Variants in NEMP2 observed in about 807,000 individuals in gnomAD.
NEMP2 encodes the protein UPF0571 transmembrane protein.
NEMP2 carries 53 observed loss-of-function variants against 54.2 expected under a neutral mutation model. That is an observed-to-expected ratio of 0.98 (90% CI 0.78 to 1.23). The LOEUF (loss-of-function observed/expected upper bound fraction) is 1.23. NEMP2 is among the 50% of genes most tolerant of loss of function. NEMP2 has a pLI of 0.00. For missense variants in NEMP2, 455 were observed against 511.3 expected, an observed-to-expected ratio of 0.89 and a Z score of 1.06; for synonymous variants, 197 against 190.3, an observed-to-expected ratio of 1.04 and a Z score of -0.29.
the NEMP2 span, among the ~76,000 whole-genome samples, chr2:190,481,830 ATGC>A: frequency 5.3e-5 from 8 of 152,200 alleles, no homozygotes; most frequent in Non-Finnish European, 1.2e-4. Flanking sequence ...CAGAAGATCC[ATGC>A]TGCTGCTGCT....
the NEMP2 span, among the ~76,000 whole-genome samples, chr2:190,645,887 T>C: frequency 2.0e-5 from 3 of 151,984 alleles, no homozygotes; most frequent in East Asian, 5.8e-4. Context: ...GACAAAACAT[T>C]TTCCTTTGTC....
At chr2:190,460,286 G>A in the NEMP2 span, among the ~76,000 whole-genome samples, 3 of 152,144 alleles carry the variant, frequency 2.0e-5, no homozygotes, top group Admixed American at 1.3e-4. Context: ...AAATGTTGCA[G>A]AATATAGACA....
Position 190,509,115 on chromosome 2 carries a change from T to G in NEMP2, c.*74A>C, listed in dbSNP as rs1690267951. 2 of 1,530,810 alleles carry G rather than the reference T, an allele frequency of 1.3e-6. No individual in the cohort carries two copies. Among genetic ancestry groups the G allele is most frequent in the South Asian group, 2.4e-5 (2 of 81,754 alleles). The allele number at this position is 1,530,810 out of a possible 1,614,324, so 94.8% of individuals were successfully genotyped here. On this transcript the variant is annotated 3_prime_UTR_variant, in exon 9 of 9. Coordinates refer to ENST00000409150, the MANE Select transcript of NEMP2 (RefSeq NM_001142645.2). The surrounding 1 kb of genome is among the most constrained non-coding windows in gnomAD (Gnocchi z 6.1). ...TTGCCACCGTTCACTAGAACAGTTC[T>G]GCCTAACTTTAATAGAATCCCTGCC...
chr2:190,441,686 C>T, the NEMP2 span, among the ~76,000 whole-genome samples: 2 of 152,168 alleles, frequency 1.3e-5, no homozygotes, highest in South Asian at 4.2e-4. Flanking sequence ...GCTTTCTCCA[C>T]GTGGGTACTC....
the NEMP2 span, among the ~76,000 whole-genome samples, chr2:190,477,954 G>C: frequency 3.9e-5 from 6 of 152,308 alleles, no homozygotes; most frequent in Middle Eastern, 3.4e-3. Flanking sequence ...CATGGGGGAA[G>C]AGCTGTGTGC....
At chr2:190,500,303 TC>T (rs761264098), downstream of NEMP2, 8 of 1,435,462 alleles carry the variant, frequency 5.6e-6, no homozygotes, top group Non-Finnish European at 7.7e-6. The surrounding 1 kb of genome is among the most constrained non-coding windows in gnomAD (Gnocchi z 5.3). Flanking sequence ...AGGATATGCC[TC>T]CCCTGGAGGA....
upstream of NEMP2, among the ~76,000 whole-genome samples, chr2:190,536,929 T>C (rs1691395520): frequency 6.6e-6 from 1 of 152,210 alleles, no homozygotes; most frequent in African/African-American, 2.4e-5. Flanking sequence ...TGGACATTAA[T>C]ATTATTTACC....
upstream of NEMP2, among the ~76,000 whole-genome samples, chr2:190,538,887 A>G (rs1261609117): frequency 1.3e-5 from 2 of 152,152 alleles, no homozygotes; most frequent in East Asian, 1.9e-4. The surrounding 1 kb of genome is among the most constrained non-coding windows in gnomAD (Gnocchi z 4.1). Context: ...GTAGTTTGCA[A>G]ATATTTTCTC....
At position 190,525,971 on chromosome 2, in the gene NEMP2, A is replaced by C. The variant is rs1439814424; in HGVS notation, c.98-593T>G. 6.6e-6 allele frequency among the ~76,000 whole-genome samples: 1 copy of C among 152,214 alleles called. No homozygotes were observed. Among genetic ancestry groups the C allele is most frequent in the Non-Finnish European group, 1.5e-5 (1 of 68,040 alleles). On this transcript the variant is annotated intron_variant, in intron 1 of 8. Transcript: ENST00000409150. The surrounding 1 kb of genome is among the most constrained non-coding windows in gnomAD (Gnocchi z 5.0). Reference sequence around the variant, plus strand: ...GAGCATTGGAGGATTTTAGGTAAGTATCAGTCTCAGCAAGAAACTATTGAC... The same window carrying C: ...GAGCATTGGAGGATTTTAGGTAAGTCTCAGTCTCAGCAAGAAACTATTGAC...
At chr2:190,500,174 G>A (rs913107585), downstream of NEMP2, 10 of 1,614,162 alleles carry the variant, frequency 6.2e-6, no homozygotes, top group African/African-American at 2.7e-5. The surrounding 1 kb of genome is among the most constrained non-coding windows in gnomAD (Gnocchi z 5.3). Context: ...GTGCACAGAG[G>A]AGAGTGAAGA....
chr2:190,515,886 T>C (rs1018367997), intron 6 of NEMP2, among the ~76,000 whole-genome samples: 1 of 152,244 alleles, frequency 6.6e-6, no homozygotes, highest in Non-Finnish European at 1.5e-5. Flanking sequence ...ATTTCTCACC[T>C]TTCCTAATGA....
the NEMP2 span, among the ~76,000 whole-genome samples, chr2:190,559,722 C>T: frequency 6.6e-6 from 1 of 152,116 alleles, no homozygotes; most frequent in African/African-American, 2.4e-5. The surrounding 1 kb of genome is among the most constrained non-coding windows in gnomAD (Gnocchi z 4.0). Context: ...GTGGTTTAGG[C>T]ATGCAGTTGT....
At chr2:190,432,176 A>T in the NEMP2 span, among the ~76,000 whole-genome samples, 1 of 152,176 alleles carries the variant, frequency 6.6e-6, no homozygotes, top group African/African-American at 2.4e-5. Context: ...TTTCAATATA[A>T]GCATCTAGAA....
chr2:190,639,930 G>A, the NEMP2 span, among the ~76,000 whole-genome samples: 1 of 152,018 alleles, frequency 6.6e-6, no homozygotes, highest in East Asian at 1.9e-4. Context: ...TTACAGTCGT[G>A]AGCCACTGTG....
chr2:190,431,237 A>T, the NEMP2 span, among the ~76,000 whole-genome samples: 1 of 149,378 alleles, frequency 6.7e-6, no homozygotes, highest in East Asian at 2.0e-4. This position sits in a 1 kb window ranked among gnomAD's most constrained non-coding sequence, Gnocchi z 4.4. Flanking sequence ...AGCCAGGCAG[A>T]GGGGCTCCTC....
rs1458763744 is a variant in NEMP2, at chr2:190,533,001, T to C, written c.97+1558A>G. Among the ~76,000 whole-genome samples, 2 of 152,248 alleles carry C rather than the reference T, an allele frequency of 1.3e-5. No individual in the cohort carries two copies. Among genetic ancestry groups the C allele is most frequent in the African/African-American group, 2.4e-5 (1 of 41,472 alleles). ...AGAAGCTCCAATAAGTATTTATGTGTGTCTTTGATTAACAAAGCAGAGAAG... is the reference window on the plus strand; with the variant it reads ...AGAAGCTCCAATAAGTATTTATGTGCGTCTTTGATTAACAAAGCAGAGAAG... On this transcript the variant is annotated intron_variant, in intron 1 of 8. Coordinates refer to ENST00000409150, the MANE Select transcript of NEMP2 (RefSeq NM_001142645.2). The surrounding 1 kb of genome is among the most constrained non-coding windows in gnomAD (Gnocchi z 4.3).
chr2:190,562,916 T>G, the NEMP2 span, among the ~76,000 whole-genome samples: 1 of 152,248 alleles, frequency 6.6e-6, no homozygotes, highest in Non-Finnish European at 1.5e-5. The surrounding 1 kb of genome is among the most constrained non-coding windows in gnomAD (Gnocchi z 5.0). Flanking sequence ...GAGGTAACTC[T>G]GAGATCACCC....
upstream of NEMP2, among the ~76,000 whole-genome samples, chr2:190,538,073 C>T (rs1437876402): frequency 2.6e-5 from 4 of 152,190 alleles, no homozygotes; most frequent in Non-Finnish European, 5.9e-5. The surrounding 1 kb of genome is among the most constrained non-coding windows in gnomAD (Gnocchi z 4.1). Context: ...GACTAATCCA[C>T]TCTAGCATTC....
chr2:190,498,349 C>T, the NEMP2 span, among the ~76,000 whole-genome samples: 4 of 152,158 alleles, frequency 2.6e-5, no homozygotes, highest in South Asian at 8.3e-4. The surrounding 1 kb of genome is among the most constrained non-coding windows in gnomAD (Gnocchi z 5.9). Flanking sequence ...AGGCTCAGTT[C>T]CCCCATCTCA....
Sources: gnomAD v4.1 joint callset for allele counts (sites outside exome capture counted in the v4.1 genomes callset) on GRCh38, gnomAD v4.1.1 for gene constraint, Gnocchi (gnomAD v3.1) non-coding constraint, MANE v1.5 for transcripts, NCBI Gene and HGNC (gene_info 2026-07-23, HGNC 2026-07-21) for gene names.